BCL11B: variants seen among roughly 807,000 people sequenced by gnomAD.
BCL11B encodes BCL11 transcription factor B, also known as B-cell lymphoma/leukemia 11B.
BCL11B carries 8 observed loss-of-function variants against 49.9 expected under a neutral mutation model. The observed-to-expected ratio is 0.16, with a 90% confidence interval of 0.09 to 0.29. BCL11B has a LOEUF of 0.29. Among genes scored for constraint, BCL11B ranks in the 10% least tolerant of loss-of-function variants. The pLI, the probability that BCL11B is intolerant of heterozygous loss-of-function variation, is 1.00. For synonymous variants in BCL11B, 739 were observed against 637.4 expected, an observed-to-expected ratio of 1.16 and a Z score of -2.40; for missense variants, 1,006 against 1,351.0, an observed-to-expected ratio of 0.74 and a Z score of 4.00.
At chr14:99,217,393 C>CAT (rs1555380381) in intron 3 of BCL11B, among the ~76,000 whole-genome samples, 1 of 149,502 alleles carries the variant, frequency 6.7e-6, no homozygotes, top group South Asian at 2.1e-4. Context: ...CAGACACACA[C>CAT]ACACACACAC....
At chr14:99,217,210 AT>A (rs1887868717) in intron 3 of BCL11B, among the ~76,000 whole-genome samples, 1 of 152,192 alleles carries the variant, frequency 6.6e-6, no homozygotes, top group Admixed American at 6.5e-5. Flanking sequence ...GCATGCTCAC[AT>A]ATACACTCAG....
At position 99,171,458 on chromosome 14, in the gene BCL11B, G is replaced by T. The variant is rs555718603; in HGVS notation, c.*2693C>A. 10 of 210,058 alleles carry T rather than the reference G, an allele frequency of 4.8e-5. No homozygotes were observed. Among genetic ancestry groups the T allele is most frequent in the African/African-American group, 1.8e-4 (8 of 43,886 alleles). The allele number at this position is 210,058 out of a possible 1,614,324, so 13.0% of individuals were successfully genotyped here. ...TATTTCCAAATTCACTAACAAAAAGGTACATTAAATCCCTTTAAAAGGACA... is the reference window on the plus strand; with the variant it reads ...TATTTCCAAATTCACTAACAAAAAGTTACATTAAATCCCTTTAAAAGGACA... On this transcript the variant is annotated 3_prime_UTR_variant, in exon 4 of 4. Coordinates refer to ENST00000357195, the MANE Select transcript of BCL11B (RefSeq NM_138576.4).
At chr14:99,188,304 G>A (rs184242119) in intron 3 of BCL11B, among the ~76,000 whole-genome samples, 3 of 152,108 alleles carry the variant, frequency 2.0e-5, no homozygotes, top group South Asian at 2.1e-4. Context: ...TGAATGGGGG[G>A]AACACTGTTT....
At chr14:99,217,207 C>T (rs1277950824) in intron 3 of BCL11B, among the ~76,000 whole-genome samples, 1 of 152,148 alleles carries the variant, frequency 6.6e-6, no homozygotes, top group African/African-American at 2.4e-5. Flanking sequence ...CATGCATGCT[C>T]ACATATACAC....
chr14:99,217,389 C>G (rs1379227490), intron 3 of BCL11B, among the ~76,000 whole-genome samples: 1 of 126,422 alleles, frequency 7.9e-6, no homozygotes, highest in Non-Finnish European at 1.9e-5. Flanking sequence ...CATACAGACA[C>G]ACACACACAC....
chr14:99,246,224 C>A (rs1888831377), intron 2 of BCL11B, among the ~76,000 whole-genome samples: 1 of 152,202 alleles, frequency 6.6e-6, no homozygotes, highest in Non-Finnish European at 1.5e-5. Flanking sequence ...CCAGCGAGGC[C>A]AGACGCGGGC....
intron 2 of BCL11B, among the ~76,000 whole-genome samples, chr14:99,251,869 C>T (rs1472596055): frequency 6.6e-6 from 1 of 152,248 alleles, no homozygotes; most frequent in Non-Finnish European, 1.5e-5. Context: ...ATCCTCCACA[C>T]CCCTTGCTAT....
rs947891195 is a variant in BCL11B, at chr14:99,248,711, T to C, written c.427+8760A>G. ...AGAGAAAACTGACTCCTAAGCCTCATTAATGTGAAAAATGAGGAAAGTTGG... is the reference window on the plus strand; with the variant it reads ...AGAGAAAACTGACTCCTAAGCCTCACTAATGTGAAAAATGAGGAAAGTTGG... On this transcript the variant is annotated intron_variant, in intron 2 of 3. Transcript: ENST00000357195. The surrounding 1 kb of genome is among the most constrained non-coding windows in gnomAD (Gnocchi z 4.7). Among the ~76,000 whole-genome samples, 1 of 152,114 alleles carries C rather than the reference T, an allele frequency of 6.6e-6. No homozygotes were observed. The highest frequency in any genetic ancestry group is 2.4e-5 in the African/African-American group (1 of 41,406).
At chr14:99,244,298 C>G (rs1040493038) in intron 2 of BCL11B, among the ~76,000 whole-genome samples, 3 of 151,746 alleles carry the variant, frequency 2.0e-5, no homozygotes, top group Non-Finnish European at 2.9e-5. Context: ...AATTACCCCC[C>G]CCTCACACAC....
rs1374960279 is a variant in BCL11B at position 99,262,787 on chromosome 14, G to A, written c.59-4948C>T. On this transcript the variant is annotated intron_variant, in intron 1 of 3. Transcript: ENST00000357195. This position sits in a 1 kb window ranked among gnomAD's most constrained non-coding sequence, Gnocchi z 4.2. ...CGCCACCACACGCACACTCGACGGA[G>A]CACAACACTTTCTGAGCTGCCATCC... Among the ~76,000 whole-genome samples, 4 of 151,904 alleles carry A rather than the reference G, an allele frequency of 2.6e-5. No homozygotes were observed. Among genetic ancestry groups the A allele is most frequent in the Non-Finnish European group, 5.9e-5 (4 of 68,000 alleles).
chr14:99,270,006 G>T (rs1233759718), intron 1 of BCL11B, among the ~76,000 whole-genome samples: 2 of 150,632 alleles, frequency 1.3e-5, no homozygotes, highest in East Asian at 2.0e-4. Context: ...GGCGGGGAGC[G>T]CCGCAAAGCC....
In BCL11B at chr14:99,205,928, T is replaced by C. The variant is rs1362966216; in HGVS notation, c.640+25417A>G. Among the ~76,000 whole-genome samples, 2 of 152,102 alleles carry C rather than the reference T, an allele frequency of 1.3e-5. No individual in the cohort carries two copies. Among genetic ancestry groups the C allele is most frequent in the Non-Finnish European group, 2.9e-5 (2 of 68,004 alleles). On this transcript the variant is annotated intron_variant, in intron 3 of 3. Coordinates refer to ENST00000357195, the MANE Select transcript of BCL11B (RefSeq NM_138576.4). This position sits in a 1 kb window ranked among gnomAD's most constrained non-coding sequence, Gnocchi z 5.0. ...TTAGCTCCAAAGAGGCAGCCCTTCG[T>C]AGCCAGGGGTTGGGAGGGGAGTCTT...
chr14:99,255,357 T>C (rs577126739), intron 2 of BCL11B, among the ~76,000 whole-genome samples: 1 of 139,224 alleles, frequency 7.2e-6, no homozygotes, highest in East Asian at 2.2e-4. Context: ...ATATCTTTCG[T>C]CACACATAAA....
chr14:99,187,103 CTG>C (rs751313195), intron 3 of BCL11B, among the ~76,000 whole-genome samples: 1 of 152,196 alleles, frequency 6.6e-6, no homozygotes, highest in Non-Finnish European at 1.5e-5. Flanking sequence ...CCAAAACAGT[CTG>C]TGTTTCAACC....
At chr14:99,178,273 A>G (rs1886598213) in intron 3 of BCL11B, among the ~76,000 whole-genome samples, 1 of 152,220 alleles carries the variant, frequency 6.6e-6, no homozygotes, top group Admixed American at 6.5e-5. Context: ...GGAATTCTGA[A>G]GTTCGGCCTC....
At chr14:99,219,813 T>TAAA (rs201611669) in intron 3 of BCL11B, among the ~76,000 whole-genome samples, 3 of 144,868 alleles carry the variant, frequency 2.1e-5, no homozygotes, top group Middle Eastern at 3.5e-3. Context: ...AAATAAAAAT[T>TAAA]AAAAAAAAAA....
rs1013641079 is a variant in BCL11B, at chr14:99,205,909, C to T, written c.640+25436G>A. 6.6e-6 allele frequency among the ~76,000 whole-genome samples: 1 copy of T among 152,154 alleles called. No individual in the cohort carries two copies. Among genetic ancestry groups the T allele is most frequent in the African/African-American group, 2.4e-5 (1 of 41,418 alleles). Reference sequence around the variant, plus strand: ...TCAAGTTGTTGAAGGAAGGTTAGCTCCAAAGAGGCAGCCCTTCGTAGCCAG... The same window carrying T: ...TCAAGTTGTTGAAGGAAGGTTAGCTTCAAAGAGGCAGCCCTTCGTAGCCAG... On this transcript the variant is annotated intron_variant, in intron 3 of 3. Transcript: ENST00000357195. The surrounding 1 kb of genome is among the most constrained non-coding windows in gnomAD (Gnocchi z 5.0).
At chr14:99,180,616 T>C (rs750545025) in intron 3 of BCL11B, among the ~76,000 whole-genome samples, 10 of 152,178 alleles carry the variant, frequency 6.6e-5, no homozygotes, top group Non-Finnish European at 1.5e-4. Context: ...TATACCTGGC[T>C]CCAGAGAGGC....
rs556578228 is a variant in BCL11B, at chr14:99,194,140, T to C, written c.641-17945A>G. Among the ~76,000 whole-genome samples the C allele has an allele frequency of 9.2e-5, 14 of 152,034 alleles. No individual in the cohort carries two copies. The highest frequency in any genetic ancestry group is 3.4e-4 in the African/African-American group (14 of 41,478). ...CCCCACACATGAATTCTCCCAAACA[T>C]GATGGAGAAGACGAAATATCAGGAA... On this transcript the variant is annotated intron_variant, in intron 3 of 3. Transcript: ENST00000357195. The surrounding 1 kb of genome is among the most constrained non-coding windows in gnomAD (Gnocchi z 4.6).
Sources: gnomAD v4.1 joint callset for allele counts (sites outside exome capture counted in the v4.1 genomes callset) on GRCh38, gnomAD v4.1.1 for gene constraint, Gnocchi (gnomAD v3.1) non-coding constraint, MANE v1.5 for transcripts, NCBI Gene and HGNC (gene_info 2026-07-23, HGNC 2026-07-21) for gene names.